ASIC2: variants seen among roughly 807,000 people sequenced by gnomAD.
ASIC2 encodes acid-sensing ion channel 2.
A neutral mutation model predicts 57.3 loss-of-function variants in ASIC2; 25 were observed. The observed-to-expected ratio is 0.44, with a 90% CI of 0.32 to 0.61. ASIC2 has a LOEUF of 0.61. Ranked by LOEUF, ASIC2 falls within the 20% of genes least tolerant of loss-of-function variation. The probability of loss-of-function intolerance (pLI) is 0.06; values close to 1 mark genes in which losing one functional copy is unlikely to be tolerated. For synonymous variants in ASIC2, 319 were observed against 307.5 expected, an observed-to-expected ratio of 1.04 and a Z score of -0.39; for missense variants, 641 against 738.1, an observed-to-expected ratio of 0.87 and a Z score of 1.52.
intron 1 of ASIC2, among the ~76,000 whole-genome samples, chr17:33,301,149 C>T (rs566856462): frequency 6.6e-6 from 1 of 152,134 alleles, no homozygotes; most frequent in South Asian, 2.1e-4. Flanking sequence ...CACACCTCAG[C>T]CTCCCAAGTA....
Position 34,065,530 on chromosome 17 carries a change from A to AT in ASIC2, c.555+90447dup, listed in dbSNP as rs576063831. Among the ~76,000 whole-genome samples the AT allele has an allele frequency of 9.2e-5, 14 of 152,172 alleles. No individual in the cohort carries two copies. The South Asian group carries it at 2.1e-3, about 23-fold the overall frequency. On this transcript the variant is annotated intron_variant, in intron 1 of 9. Coordinates refer to the ASIC2 transcript ENST00000359872. ...GAAAAATTTTAAAAAAATAAAACAT[A>AT]TTTTTTTAAAAAAGCAATTTTATCT...
At chr17:34,077,689 T>C (rs1360561530) in intron 1 of ASIC2, among the ~76,000 whole-genome samples, 2 of 152,166 alleles carry the variant, frequency 1.3e-5, no homozygotes, top group Non-Finnish European at 2.9e-5. Context: ...TTGTGAGATG[T>C]TAATTGCGTC....
At chr17:33,860,896 G>A (rs576245503) in intron 1 of ASIC2, among the ~76,000 whole-genome samples, 2 of 152,194 alleles carry the variant, frequency 1.3e-5, no homozygotes, top group Non-Finnish European at 2.9e-5. Flanking sequence ...GAGGTACAAT[G>A]TTGAGCAATT....
intron 1 of ASIC2, among the ~76,000 whole-genome samples, chr17:33,166,745 T>C (rs1191772052): frequency 6.6e-6 from 1 of 152,150 alleles, no homozygotes; most frequent in Admixed American, 6.5e-5. Flanking sequence ...GCAAACAGAA[T>C]CCCGCTCCCA....
Position 33,334,757 on chromosome 17 carries a change from T to C in ASIC2, c.556-222690A>G, listed in dbSNP as rs948794328. Among the ~76,000 whole-genome samples the C allele has an allele frequency of 2.0e-5, 3 of 152,178 alleles. No individual in the cohort carries two copies. In the South Asian group the frequency reaches 6.2e-4, roughly 32 times the overall value. On this transcript the variant is annotated intron_variant, in intron 1 of 9. Transcript: ENST00000359872. ...ATGATGGCTTGTGTGTCATCCTCTC[T>C]TGACATGTACTGACAAAGGGTCCTG... is the stretch of plus-strand genomic sequence containing the variant.
chr17:33,126,856 C>CTTTTTTTT (rs1159710708), intron 1 of ASIC2, among the ~76,000 whole-genome samples: 12 of 85,326 alleles, frequency 1.4e-4, no homozygotes, highest in East Asian at 3.5e-4. Flanking sequence ...TACCATTACT[C>CTTTTTTTT]TTTTTTTTTT....
chr17:33,969,060 C>T (rs952338046), intron 1 of ASIC2, among the ~76,000 whole-genome samples: 6 of 152,178 alleles, frequency 3.9e-5, no homozygotes, highest in African/African-American at 1.2e-4. Flanking sequence ...GTGCTAAAGA[C>T]AGTAATTGAT....
At chr17:33,835,917 G>C (rs948972355) in intron 1 of ASIC2, among the ~76,000 whole-genome samples, 3 of 150,826 alleles carry the variant, frequency 2.0e-5, no homozygotes, top group Non-Finnish European at 4.4e-5. Flanking sequence ...CAAATTGCTG[G>C]GATTACAGGT....
intron 1 of ASIC2, among the ~76,000 whole-genome samples, chr17:33,732,332 T>C (rs964424321): frequency 2.6e-5 from 4 of 152,178 alleles, no homozygotes; most frequent in Admixed American, 2.6e-4. Context: ...TCAGGCGCTG[T>C]CCTAGGTGCT....
At chr17:34,113,604 G>A (rs185538144) in intron 1 of ASIC2, among the ~76,000 whole-genome samples, 24 of 151,492 alleles carry the variant, frequency 1.6e-4, no homozygotes, top group African/African-American at 4.1e-4. Context: ...TAAGCCAGGC[G>A]TGGTGACTCA....
chr17:33,378,530 A>T (rs1234872874), intron 1 of ASIC2, among the ~76,000 whole-genome samples: 2 of 152,170 alleles, frequency 1.3e-5, no homozygotes, highest in Non-Finnish European at 2.9e-5. Flanking sequence ...TGGGTGGTTC[A>T]TGCTCTGCCC....
At chr17:33,821,872 A>C (rs1348038181) in intron 1 of ASIC2, among the ~76,000 whole-genome samples, 1 of 152,204 alleles carries the variant, frequency 6.6e-6, no homozygotes, top group Non-Finnish European at 1.5e-5. Flanking sequence ...GGGGGAACCC[A>C]ATACCTGGAG....
intron 1 of ASIC2, among the ~76,000 whole-genome samples, chr17:33,419,953 G>A (rs574082020): frequency 6.6e-6 from 1 of 152,244 alleles, no homozygotes; most frequent in African/African-American, 2.4e-5. Context: ...TATATGTTTA[G>A]ACTTTTTCTG....
At chr17:33,272,041 C>T (rs1378819400) in intron 1 of ASIC2, among the ~76,000 whole-genome samples, 5 of 134,268 alleles carry the variant, frequency 3.7e-5, no homozygotes, top group Admixed American at 7.9e-5. Context: ...GGCACTGTAT[C>T]TCTTCTGCCC....
At chr17:33,730,545 A>G (rs1909710804) in intron 1 of ASIC2, among the ~76,000 whole-genome samples, 1 of 152,238 alleles carries the variant, frequency 6.6e-6, no homozygotes, top group Non-Finnish European at 1.5e-5. Context: ...TAAAATTAAC[A>G]TATTGACTAC....
chr17:33,835,916 G>A (rs1567729656), intron 1 of ASIC2, among the ~76,000 whole-genome samples: 2 of 151,176 alleles, frequency 1.3e-5, no homozygotes, highest in Non-Finnish European at 2.9e-5. Flanking sequence ...CCAAATTGCT[G>A]GGATTACAGG....
At chr17:33,562,004 G>A (rs1916087797) in intron 1 of ASIC2, among the ~76,000 whole-genome samples, 1 of 152,124 alleles carries the variant, frequency 6.6e-6, no homozygotes, top group African/African-American at 2.4e-5. Flanking sequence ...AGACTTCTCG[G>A]GTTTTATCTC....
chr17:33,382,647 C>T (rs1457576248), intron 1 of ASIC2, among the ~76,000 whole-genome samples: 4 of 152,314 alleles, frequency 2.6e-5, no homozygotes, highest in African/African-American at 7.2e-5. Flanking sequence ...TTCCCTGTAA[C>T]ATGAGTTTGA....
chr17:33,052,634 T>C (rs1158620968), intron 3 of ASIC2, among the ~76,000 whole-genome samples: 1 of 152,006 alleles, frequency 6.6e-6, no homozygotes, highest in Admixed American at 6.6e-5. Flanking sequence ...CTCCAGGGTA[T>C]GAGGTCCCTG....
Sources: gnomAD v4.1 joint callset for allele counts (sites outside exome capture counted in the v4.1 genomes callset) on GRCh38, gnomAD v4.1.1 for gene constraint, MANE v1.5 for transcripts, NCBI Gene and HGNC (gene_info 2026-07-23, HGNC 2026-07-21) for gene names.